Variants in ADGRF5 observed in about 807,000 individuals in gnomAD.
ADGRF5 encodes the protein adhesion G protein-coupled receptor F5, also known as G-protein coupled receptor 116.
ADGRF5 carries 75 observed loss-of-function variants against 132.3 expected under a neutral mutation model. The observed-to-expected ratio is 0.57, with a 90% CI of 0.47 to 0.69. The LOEUF is 0.69. Ranked by LOEUF, ADGRF5 falls within the 30% of genes least tolerant of loss-of-function variation. The probability of loss-of-function intolerance (pLI) is 0.00; values close to 1 mark genes in which losing one functional copy is unlikely to be tolerated. For missense variants in ADGRF5, 1,516 were observed against 1,630.6 expected (o/e 0.93, Z 1.21); for synonymous variants, 629 against 597.6 (o/e 1.05, Z -0.77).
At chr6:46,869,194 G>GAAAAAA (rs751939190) in intron 11 of ADGRF5, 102 bp from the exon 12 acceptor site, 2 of 1,338,030 alleles carry the variant, frequency 1.5e-6, no homozygotes, top group Admixed American at 5.2e-5. Context: ...GAGAGGGACA[G>GAAAAAA]AAAAAAAAAA....
intron 1 of ADGRF5, among the ~76,000 whole-genome samples, chr6:46,945,735 G>C (rs1219401507): frequency 6.6e-6 from 1 of 152,170 alleles, no homozygotes; most frequent in African/African-American, 2.4e-5. Flanking sequence ...TTATCACGCT[G>C]CTAATAAAGA....
At position 46,869,372 on chromosome 6, in the gene ADGRF5, G is replaced by A. The variant is rs1323001585; in HGVS notation, c.1412-280C>T. The A allele has an allele frequency of 5.1e-6, 5 of 985,230 alleles. 1 individual carries two copies. The South Asian group carries it at 1.9e-4, about 37-fold the overall frequency. The allele number at this position is 985,230 out of a possible 1,614,324, so 61.0% of individuals were successfully genotyped here. A position where few individuals can be genotyped will look rare whatever the true frequency, so the allele number is the denominator to read the frequency against. On this transcript the variant is annotated intron_variant, in intron 11 of 20. Coordinates refer to ENST00000283296, the MANE Select transcript of ADGRF5 (RefSeq NM_001098518.2). ...TTTGTGGCTGGAATTATCTCCTGAT[G>A]ATCAGCAGGGTAAAAGGTTGCAAAC...
intron 1 of ADGRF5, among the ~76,000 whole-genome samples, chr6:46,949,185 G>C (rs925372190): frequency 6.6e-6 from 1 of 152,144 alleles, no homozygotes; most frequent in Non-Finnish European, 1.5e-5. Flanking sequence ...TATAGCATTT[G>C]CTTATAACTG....
Position 46,859,241 on chromosome 6 carries a change from G to T in ADGRF5, c.2662C>A (p.Leu888Ile). Residue 888 changes from leucine to isoleucine, a missense_variant, in exon 17 of 21, where the codon CTA (leucine) becomes ATA (isoleucine). By Grantham distance (5) the Leu-to-Ile change is conservative. Around this residue, in one of 2 missense-constraint regions of ADGRF5, gnomAD observed 571 missense variants for 701.2 expected, o/e 0.81. Coordinates refer to ENST00000283296, the MANE Select transcript of ADGRF5 (RefSeq NM_001098518.2). The stretch of plus-strand genomic sequence containing the variant: ...GACGAATCCGACTGCAAGTTTTCTA[G>T]ATAGCTCTTGTCAATGACCACATTG... ...WGNVVIDKSYLENLQSDSSIV... is the reference protein window; with the variant it reads ...WGNVVIDKSYIENLQSDSSIV... 6.2e-7 allele frequency: 1 copy of T among 1,614,152 alleles called. No individual in the cohort carries two copies. Among genetic ancestry groups the T allele is most frequent in the Non-Finnish European group, 8.5e-7 (1 of 1,180,028 alleles).
At chr6:46,919,206 A>C (rs995685955) in intron 1 of ADGRF5, among the ~76,000 whole-genome samples, 4 of 152,184 alleles carry the variant, frequency 2.6e-5, no homozygotes, top group African/African-American at 9.6e-5. Flanking sequence ...TCTCTATTCC[A>C]CATGACTTTT....
chr6:46,935,492 CTCT>C (rs1003990127), intron 1 of ADGRF5, among the ~76,000 whole-genome samples: 8 of 152,136 alleles, frequency 5.3e-5, no homozygotes, highest in Non-Finnish European at 8.8e-5. Flanking sequence ...TCCCCATTTT[CTCT>C]TCATTAGCCT....
chr6:46,895,782 G>A (rs75884436), intron 3 of ADGRF5, among the ~76,000 whole-genome samples: 4,614 of 151,602 alleles, frequency 0.03, 234 homozygotes, highest in African/African-American at 0.1. Flanking sequence ...GTTGATATTT[G>A]TGTTACTTCT....
intron 3 of ADGRF5, among the ~76,000 whole-genome samples, chr6:46,889,619 GT>G (rs1181778229): frequency 1.4e-5 from 2 of 145,572 alleles, no homozygotes; most frequent in Non-Finnish European, 3.0e-5. Context: ...AGGTAGGTGT[GT>G]GTTGAGGAAC....
intron 1 of ADGRF5, among the ~76,000 whole-genome samples, chr6:46,945,000 T>C (rs1778248549): frequency 6.6e-6 from 1 of 152,054 alleles, no homozygotes; most frequent in South Asian, 2.1e-4. Flanking sequence ...GAAAGAAGAG[T>C]AGACAAGTTC....
At position 46,930,790 on chromosome 6, in the gene ADGRF5, C is replaced by T. The variant is rs186237736; in HGVS notation, c.-25+23944G>A. The stretch of plus-strand genomic sequence containing the variant: ...ACATTTGGCTGGGTGCGGCAGCTCA[C>T]GCCTGTAATCCCAACAGTTTGGGAG... On this transcript the variant is annotated intron_variant, in intron 1 of 20. Coordinates refer to the ADGRF5 transcript ENST00000265417. 9.4e-4 allele frequency among the ~76,000 whole-genome samples: 143 copies of T among 152,298 alleles called. 1 individual carries two copies. In the Middle Eastern group the frequency reaches 0.01, roughly 11 times the overall value.
At chr6:46,875,813 CA>C (rs1010810737) in intron 10 of ADGRF5, among the ~76,000 whole-genome samples, 6 of 152,018 alleles carry the variant, frequency 3.9e-5, no homozygotes, top group South Asian at 2.1e-4. Flanking sequence ...CAAAATGAAA[CA>C]AAAAAACCAG....
intron 1 of ADGRF5, among the ~76,000 whole-genome samples, chr6:46,920,591 G>A (rs28679779): frequency 0.11 from 17,241 of 151,288 alleles, 1,112 homozygotes; most frequent in Non-Finnish European, 0.14. Flanking sequence ...AGCTGGCTGC[G>A]ATGGCTGACA....
intron 1 of ADGRF5, among the ~76,000 whole-genome samples, chr6:46,930,697 C>T (rs1438827368): frequency 6.6e-6 from 1 of 152,210 alleles, no homozygotes; most frequent in Non-Finnish European, 1.5e-5. Flanking sequence ...TTCACACCTT[C>T]TCTTCTCTCC....
chr6:46,860,977 C>A, intron 15 of ADGRF5, 83 bp from the exon 16 acceptor site: 1 of 1,038,424 alleles, frequency 9.6e-7, no homozygotes, highest in Admixed American at 2.5e-5. Flanking sequence ...CTGGCAAAAT[C>A]TCTCACATCC....
At chr6:46,867,798 G>T (rs959512898) in intron 12 of ADGRF5, among the ~76,000 whole-genome samples, 16 of 152,034 alleles carry the variant, frequency 1.1e-4, no homozygotes, top group Non-Finnish European at 1.9e-4. Context: ...TCCTGCTGCG[G>T]GGGGGAAGAG....
intron 4 of ADGRF5, among the ~76,000 whole-genome samples, chr6:46,887,742 C>A (rs1363815849): frequency 2.0e-5 from 3 of 152,200 alleles, no homozygotes; most frequent in African/African-American, 7.2e-5. Flanking sequence ...TATCTCACAA[C>A]TTCTACTGTA....
intron 1 of ADGRF5, among the ~76,000 whole-genome samples, chr6:46,910,693 TCAAC>T (rs150305794): frequency 0.021 from 3,202 of 152,036 alleles, 109 homozygotes; most frequent in African/African-American, 0.073. Flanking sequence ...TGGTGGGAAA[TCAAC>T]CAACCAACCA....
intron 1 of ADGRF5, among the ~76,000 whole-genome samples, chr6:46,944,818 C>T (rs1482051062): frequency 6.6e-6 from 1 of 152,116 alleles, no homozygotes; most frequent in Non-Finnish European, 1.5e-5. Context: ...CCATCTGCCA[C>T]CCAGAGTTGA....
chr6:46,867,191 G>T (rs967572455), intron 12 of ADGRF5, 54 bp from the exon 13 acceptor site: 11 of 1,046,764 alleles, frequency 1.1e-5, no homozygotes, highest in Non-Finnish European at 1.6e-5. Flanking sequence ...CCCTTCAAAA[G>T]CATCTGCTGG....
Sources: allele counts gnomAD v4.1 joint callset (sites outside exome capture counted in the v4.1 genomes callset), GRCh38; gene constraint gnomAD v4.1.1; regional missense constraint gnomAD v4.1.1; transcripts MANE v1.5; gene names NCBI Gene and HGNC (gene_info 2026-07-23, HGNC 2026-07-21).